Variants in AS3MT observed in about 807,000 individuals in gnomAD.
The protein encoded by AS3MT is S-adenosyl-L-methionine:arsenic(III) methyltransferase.
A neutral mutation model predicts 45.3 loss-of-function variants in AS3MT; 47 were observed. The observed-to-expected ratio is 1.04, with a 90% confidence interval of 0.82 to 1.32. The LOEUF is 1.32. AS3MT is among the 40% of genes most tolerant of loss of function. AS3MT has a pLI of 0.00. For synonymous variants in AS3MT, 141 were observed against 152.8 expected (o/e 0.92, Z 0.57); for missense variants, 396 against 451.1 (o/e 0.88, Z 1.11).
rs1300080006 is a variant in AS3MT, at chr10:102,884,380, A to T, written c.885+5389A>T. Among the ~76,000 whole-genome samples, 3 of 152,046 alleles carry T rather than the reference A, an allele frequency of 2.0e-5. No homozygotes were observed. In the East Asian group the frequency reaches 5.8e-4, roughly 29 times the overall value. On this transcript the variant is annotated intron_variant, in intron 9 of 10. Coordinates refer to ENST00000369880, the MANE Select transcript of AS3MT (RefSeq NM_020682.4). ...TGAAATTTTGTATCCTTTAACCAAC[A>T]TCTATCCTGTTCCACCCCTGCCCTC...
At chr10:102,880,918 G>C (rs563909059) in intron 9 of AS3MT, among the ~76,000 whole-genome samples, 1 of 152,172 alleles carries the variant, frequency 6.6e-6, no homozygotes, top group African/African-American at 2.4e-5. Flanking sequence ...ATAAAATTTA[G>C]TCAACTTTGC....
At chr10:102,884,702 G>A (rs1405710373) in intron 9 of AS3MT, among the ~76,000 whole-genome samples, 5 of 151,348 alleles carry the variant, frequency 3.3e-5, no homozygotes, top group East Asian at 3.9e-4. Context: ...GCCTGCCACC[G>A]TGCCCAGCTA....
intron 9 of AS3MT, among the ~76,000 whole-genome samples, chr10:102,879,878 T>TTGTG (rs1177830910): frequency 7.0e-6 from 1 of 143,050 alleles, no homozygotes; most frequent in Non-Finnish European, 1.5e-5. Flanking sequence ...TTTTCCATGT[T>TTGTG]TGTGTGTTTA....
intron 10 of AS3MT, among the ~76,000 whole-genome samples, chr10:102,895,633 G>A (rs1332571566): frequency 6.6e-6 from 1 of 152,156 alleles, no homozygotes; most frequent in Admixed American, 6.5e-5. Context: ...ACAAACCATT[G>A]TTACAATAAT....
At chr10:102,873,574 C>A (rs572875871) in intron 5 of AS3MT, among the ~76,000 whole-genome samples, 1 of 152,190 alleles carries the variant, frequency 6.6e-6, no homozygotes, top group Non-Finnish European at 1.5e-5. Context: ...GTGTGAGGCA[C>A]TGTGCTCAGC....
chr10:102,899,721 G>T (rs903617494), intron 10 of AS3MT, among the ~76,000 whole-genome samples: 1 of 148,672 alleles, frequency 6.7e-6, no homozygotes, highest in Non-Finnish European at 1.5e-5. Flanking sequence ...AGGTTGGAGT[G>T]CAGTGGTGTG....
chr10:102,875,832 A>T (rs1466130105), intron 6 of AS3MT, among the ~76,000 whole-genome samples: 1 of 152,046 alleles, frequency 6.6e-6, no homozygotes, highest in Non-Finnish European at 1.5e-5. Context: ...CATATTGGTC[A>T]GGCTGATCTT....
At chr10:102,873,592 T>G (rs1844732242) in intron 5 of AS3MT, among the ~76,000 whole-genome samples, 1 of 152,164 alleles carries the variant, frequency 6.6e-6, no homozygotes, top group African/African-American at 2.4e-5. Flanking sequence ...AGCCCTCATT[T>G]CCTTTTGAAC....
chr10:102,879,108 T>C (rs1844834131), intron 9 of AS3MT, 117 bp downstream of exon 9: 2 of 1,134,040 alleles, frequency 1.8e-6, no homozygotes, highest in African/African-American at 1.6e-5. Context: ...TGTTTGTGTG[T>C]GTGTTTAAAT....
In AS3MT at chr10:102,881,891, A is replaced by G. The variant is rs916599166; in HGVS notation, c.885+2900A>G. 6.7e-6 allele frequency among the ~76,000 whole-genome samples: 1 copy of G among 150,052 alleles called. No homozygotes were observed. Among genetic ancestry groups the G allele is most frequent in the Admixed American group, 6.6e-5 (1 of 15,088 alleles). On this transcript the variant is annotated intron_variant, in intron 9 of 10. Coordinates refer to ENST00000369880, the MANE Select transcript of AS3MT (RefSeq NM_020682.4). The surrounding 1 kb of genome is among the most constrained non-coding windows in gnomAD (Gnocchi z 4.2). ...GCTGGGACTACAGGCATGTGTCACC[A>G]TGCCTGGCTAATTTTTTATTTTTAT...
chr10:102,893,502 T>C (rs1590230069), intron 10 of AS3MT, among the ~76,000 whole-genome samples: 1 of 149,760 alleles, frequency 6.7e-6, no homozygotes. Flanking sequence ...TTTCTTTTTT[T>C]TTTTTTTTTC....
intron 6 of AS3MT, among the ~76,000 whole-genome samples, chr10:102,876,689 T>A (rs1380998638): frequency 6.6e-6 from 1 of 152,166 alleles, no homozygotes; most frequent in Non-Finnish European, 1.5e-5. Flanking sequence ...TAAATGTAAG[T>A]AACCTGAAAA....
At chr10:102,884,704 G>A (rs1288121759) in intron 9 of AS3MT, among the ~76,000 whole-genome samples, 1 of 151,500 alleles carries the variant, frequency 6.6e-6, no homozygotes, top group Non-Finnish European at 1.5e-5. Context: ...CTGCCACCGT[G>A]CCCAGCTAAT....
intron 7 of AS3MT, among the ~76,000 whole-genome samples, chr10:102,877,872 C>T (rs1193823902): frequency 6.6e-6 from 1 of 150,922 alleles, no homozygotes; most frequent in African/African-American, 2.4e-5. Context: ...CCTGCCTCAG[C>T]CTCCCAAGTA....
intron 9 of AS3MT, 95 bp from the exon 10 acceptor site, chr10:102,890,449 G>A: frequency 4.0e-6 from 4 of 989,690 alleles, no homozygotes; most frequent in African/African-American, 1.6e-5. Flanking sequence ...ATTAGTGCTG[G>A]TGAGGATGTG....
chr10:102,879,637 TG>T (rs1844841981), intron 9 of AS3MT, among the ~76,000 whole-genome samples: 1 of 151,304 alleles, frequency 6.6e-6, no homozygotes, highest in South Asian at 2.1e-4. Context: ...GGCGTGGTGG[TG>T]GGTGCCTGTA....
intron 10 of AS3MT, among the ~76,000 whole-genome samples, chr10:102,893,279 T>C (rs977770827): frequency 6.6e-6 from 1 of 152,004 alleles, no homozygotes; most frequent in Non-Finnish European, 1.5e-5. Flanking sequence ...GGTTTATTAA[T>C]GCCTATCCAC....
chr10:102,899,123 C>T (rs1210418437), intron 10 of AS3MT, among the ~76,000 whole-genome samples: 1 of 152,144 alleles, frequency 6.6e-6, no homozygotes, highest in African/African-American at 2.4e-5. Flanking sequence ...GGGATTCTCC[C>T]ACCTCAGCCT....
At chr10:102,898,422 C>A (rs1027789329) in intron 10 of AS3MT, among the ~76,000 whole-genome samples, 6 of 151,762 alleles carry the variant, frequency 4.0e-5, no homozygotes, top group Non-Finnish European at 8.8e-5. Flanking sequence ...ATGGTGAAAC[C>A]CCCTCTCTAC....
Sources: gnomAD v4.1 joint callset for allele counts (sites outside exome capture counted in the v4.1 genomes callset) on GRCh38, gnomAD v4.1.1 for gene constraint, Gnocchi (gnomAD v3.1) non-coding constraint, MANE v1.5 for transcripts, NCBI Gene and HGNC (gene_info 2026-07-23, HGNC 2026-07-21) for gene names.